GBF1: variants seen among roughly 807,000 people sequenced by gnomAD.
GBF1 encodes the protein golgi brefeldin A resistant guanine nucleotide exchange factor 1.
GBF1 carries 114 observed loss-of-function variants against 210.5 expected under a neutral mutation model. The ratio of observed to expected loss-of-function variants is 0.54; its 90% CI spans 0.47 to 0.63. The LOEUF (loss-of-function observed/expected upper bound fraction) is 0.63, where lower values mean the gene tolerates loss of function less well. Among genes scored for constraint, GBF1 ranks in the 30% least tolerant of loss-of-function variants. The pLI is 0.00. For synonymous variants in GBF1, 850 were observed against 889.2 expected (o/e 0.96, Z 0.78); for missense variants, 1,851 against 2,357.7 (o/e 0.79, Z 4.45).
intron 3 of GBF1, among the ~76,000 whole-genome samples, chr10:102,317,885 G>GTTATTTAT (rs564837040): frequency 2.0e-5 from 3 of 147,770 alleles, no homozygotes; most frequent in Non-Finnish European, 4.5e-5. Flanking sequence ...CCTGTTGTTG[G>GTTATTTAT]TTATTTATTT....
intron 3 of GBF1, among the ~76,000 whole-genome samples, chr10:102,293,774 T>TTTTTG (rs2076664820): frequency 3.7e-5 from 1 of 26,814 alleles, no homozygotes; most frequent in Non-Finnish European, 6.3e-5. Flanking sequence ...GTTTTGTGTT[T>TTTTTG]TTTTTTTTTT....
chr10:102,236,140 GGCTGGGGGCGCCAAGCTGTTGTCTGA>G, the GBF1 span, among the ~76,000 whole-genome samples: 3 of 152,330 alleles, frequency 2.0e-5, no homozygotes, highest in Admixed American at 6.5e-5. Context: ...GTCAGGCAAA[GGCTGGGGGCGCCAAGCTGTTGTCTGA>G]GCTGGAGACA....
At chr10:102,233,959 G>T in the GBF1 span, among the ~76,000 whole-genome samples, 4 of 152,182 alleles carry the variant, frequency 2.6e-5, no homozygotes, top group Admixed American at 6.5e-5. Flanking sequence ...CAATACTGGG[G>T]CTCAAGACTC....
intron 1 of GBF1, among the ~76,000 whole-genome samples, chr10:102,254,420 C>A (rs1477219995): frequency 6.6e-6 from 1 of 152,144 alleles, no homozygotes; most frequent in East Asian, 1.9e-4. Flanking sequence ...TAAGAGATTT[C>A]AAGTTTTGCT....
At chr10:102,379,705 C>T in intron 35 of GBF1, 54 bp downstream of exon 35, 4 of 1,603,298 alleles carry the variant, frequency 2.5e-6, no homozygotes, top group Non-Finnish European at 3.4e-6. Flanking sequence ...AAAAGGAAAG[C>T]CAGGCAGCCT....
At position 102,366,261 on chromosome 10, in the gene GBF1, C is replaced by A. The variant is rs1402006890; in HGVS notation, c.2310-122C>A. On this transcript the variant is annotated intron_variant, in intron 18 of 39. Transcript: ENST00000369983. The surrounding 1 kb of genome is among the most constrained non-coding windows in gnomAD (Gnocchi z 4.0). Reference sequence around the variant, plus strand: ...TAGGGATGAACAGGAGATACTGCCCCTTTACTAGAGACCTCAGCCTCCTCT... The same window carrying A: ...TAGGGATGAACAGGAGATACTGCCCATTTACTAGAGACCTCAGCCTCCTCT... The A allele has an allele frequency of 5.1e-6, 5 of 979,808 alleles. No homozygotes were observed. The highest frequency in any genetic ancestry group is 6.3e-6 in the Non-Finnish European group (4 of 634,604). The allele number at this position is 979,808 out of a possible 1,614,324, so 60.7% of individuals were successfully genotyped here. A position where few individuals can be genotyped will look rare whatever the true frequency, so the allele number is the denominator to read the frequency against.
At position 102,379,432 on chromosome 10, in the gene GBF1, A is replaced by G. The variant is rs760765416; in HGVS notation, c.4643A>G (p.Gln1548Arg). ...GCCCACTGCTGGTGCCCTTTACTGC[A>G]GGGTAAACCAGGAGGGGCAGAGGTA... ...LWAHCWCPLLQGIACLCCDAR... is the reference protein window; with the variant it reads ...LWAHCWCPLLRGIACLCCDAR... The change falls in exon 34 of 40, where the codon CAG (glutamine) becomes CGG (arginine). Residue 1548 changes from glutamine to arginine, a missense_variant and splice_region_variant. Physicochemically the swap from Gln to Arg is conservative, Grantham distance 43. Transcript: ENST00000369983. 24 of 1,614,094 alleles carry G rather than the reference A, an allele frequency of 1.5e-5. No individual in the cohort carries two copies. In the South Asian group the frequency reaches 2.4e-4, roughly 16 times the overall value.
Position 102,363,155 on chromosome 10 carries a change from G to A in GBF1, c.1877-101G>A. 8.8e-7 allele frequency: 1 copy of A among 1,133,234 alleles called. No homozygotes were observed. The highest frequency in any genetic ancestry group is 1.2e-6 in the Non-Finnish European group (1 of 804,804). 70.2% of individuals were successfully genotyped at this position (1,133,234 alleles called of 1,614,324 possible). On this transcript the variant is annotated intron_variant, in intron 15 of 39. Transcript: ENST00000369983. This position sits in a 1 kb window ranked among gnomAD's most constrained non-coding sequence, Gnocchi z 4.2. ...CTGCTCAGGGCTGGCGCCCTGTGCAGGAACCATGCAGGTCTTCTGGGCTTG... is the reference window on the plus strand; with the variant it reads ...CTGCTCAGGGCTGGCGCCCTGTGCAAGAACCATGCAGGTCTTCTGGGCTTG...
chr10:102,328,469 A>G (rs1410320675), intron 3 of GBF1, among the ~76,000 whole-genome samples: 1 of 152,234 alleles, frequency 6.6e-6, no homozygotes, highest in African/African-American at 2.4e-5. Context: ...CCAGGGTGAC[A>G]GAGTGAAACC....
upstream of GBF1, among the ~76,000 whole-genome samples, chr10:102,240,950 C>T (rs186975074): frequency 2.2e-4 from 34 of 152,324 alleles, no homozygotes; most frequent in Admixed American, 1.4e-3. Context: ...GGGGGCCGCC[C>T]CGCCAGCTCC....
Position 102,366,362 on chromosome 10 carries a change from T to C in GBF1, c.2310-21T>C, listed in dbSNP as rs769789365. ...TGCAGCTTACACATTTTCAGCCTCT[T>C]CTTCCTTTCTTTCCCTATAGCACCT... On this transcript the variant is annotated intron_variant, in intron 18 of 39. Transcript: ENST00000369983. This position sits in a 1 kb window ranked among gnomAD's most constrained non-coding sequence, Gnocchi z 4.0. 6.2e-7 allele frequency: 1 copy of C among 1,613,742 alleles called. No homozygotes were observed. The highest frequency in any genetic ancestry group is 1.1e-5 in the South Asian group (1 of 91,076).
the GBF1 span, among the ~76,000 whole-genome samples, chr10:102,233,307 T>C: frequency 7.0e-6 from 1 of 142,706 alleles, no homozygotes; most frequent in Non-Finnish European, 1.5e-5. Flanking sequence ...TTTCCTTCTT[T>C]TTTTTTTTTT....
intron 3 of GBF1, among the ~76,000 whole-genome samples, chr10:102,265,716 AAAGT>A (rs1401636044): frequency 6.6e-6 from 1 of 152,160 alleles, no homozygotes; most frequent in South Asian, 2.1e-4. Flanking sequence ...TGAATGAAAG[AAAGT>A]ATCACAACCA....
intron 3 of GBF1, among the ~76,000 whole-genome samples, chr10:102,306,231 C>G (rs1050036076): frequency 6.6e-6 from 1 of 152,142 alleles, no homozygotes; most frequent in Non-Finnish European, 1.5e-5. Flanking sequence ...GTGTCTGTTT[C>G]CTTACAGCTC....
intron 1 of GBF1, among the ~76,000 whole-genome samples, chr10:102,255,270 A>G (rs1482404768): frequency 6.6e-6 from 1 of 151,740 alleles, no homozygotes; most frequent in East Asian, 1.9e-4. Context: ...TGAACTCCCA[A>G]CCTCAGGTGA....
At chr10:102,292,395 C>T (rs187204478) in intron 3 of GBF1, among the ~76,000 whole-genome samples, 48 of 152,306 alleles carry the variant, frequency 3.2e-4, no homozygotes, top group Middle Eastern at 6.8e-3. Context: ...CAGGGCCTTG[C>T]TGTGACGCCC....
upstream of GBF1, among the ~76,000 whole-genome samples, chr10:102,245,149 G>T (rs1157164756): frequency 6.6e-6 from 1 of 152,146 alleles, no homozygotes; most frequent in Non-Finnish European, 1.5e-5. Flanking sequence ...GAGTAGGGAT[G>T]CCCGCTCAAG....
At chr10:102,249,941 C>T (rs1406797948) in intron 1 of GBF1, among the ~76,000 whole-genome samples, 16 of 152,208 alleles carry the variant, frequency 1.1e-4, no homozygotes, top group South Asian at 6.2e-4. Flanking sequence ...CCGCCCACCT[C>T]GGCCTCCCAA....
intron 3 of GBF1, among the ~76,000 whole-genome samples, chr10:102,316,521 GT>G (rs2078949164): frequency 6.6e-6 from 1 of 151,956 alleles, no homozygotes; most frequent in Non-Finnish European, 1.5e-5. Context: ...CAATATTAGT[GT>G]CTTTTTAACA....
Sources: gnomAD v4.1 joint callset for allele counts (sites outside exome capture counted in the v4.1 genomes callset) on GRCh38, gnomAD v4.1.1 for gene constraint, Gnocchi (gnomAD v3.1) non-coding constraint, MANE v1.5 for transcripts, NCBI Gene and HGNC (gene_info 2026-07-23, HGNC 2026-07-21) for gene names.